RBMS3: variants seen among roughly 807,000 people sequenced by gnomAD.
The protein encoded by RBMS3 is RNA binding motif single stranded interacting protein 3, also known as RNA-binding motif, single-stranded-interacting protein 3.
Under a neutral mutation model 66.8 loss-of-function variants are expected in RBMS3, and 27 were observed. The observed-to-expected ratio is 0.40, with a 90% CI of 0.30 to 0.56. The LOEUF (loss-of-function observed/expected upper bound fraction) is 0.56, where lower values mean the gene tolerates loss of function less well. Among genes scored for constraint, RBMS3 ranks in the 20% least tolerant of loss-of-function variants. The probability of loss-of-function intolerance (pLI) is 0.40; values close to 1 mark genes in which losing one functional copy is unlikely to be tolerated. For synonymous variants in RBMS3, 188 were observed against 183.0 expected (o/e 1.03, Z -0.22); for missense variants, 513 against 549.5 (o/e 0.93, Z 0.66).
chr3:29,599,377 A>G (rs1293767268), intron 4 of RBMS3, among the ~76,000 whole-genome samples: 1 of 151,768 alleles, frequency 6.6e-6, no homozygotes. Context: ...ATATAATCCT[A>G]CTATGCACCC....
intron 3 of RBMS3, among the ~76,000 whole-genome samples, chr3:29,533,380 G>A (rs2148996987): frequency 6.6e-6 from 1 of 152,170 alleles, no homozygotes. Flanking sequence ...TACTTGGGAG[G>A]CTGATGTGGG....
At chr3:29,420,206 T>C (rs75079137) in intron 1 of RBMS3, among the ~76,000 whole-genome samples, 2,721 of 152,312 alleles carry the variant, frequency 0.018, 77 homozygotes, top group African/African-American at 0.062. Context: ...TTTCCTCTAT[T>C]ATATCATGGA....
At chr3:29,987,992 G>A in intron 12 of RBMS3, 151 bp from the exon 13 acceptor site, 1 of 610,118 alleles carries the variant, frequency 1.6e-6, no homozygotes, top group South Asian at 2.0e-5. Flanking sequence ...AATACAGAGA[G>A]GAGCTGCCTT....
At chr3:29,497,906 C>T (rs949813654) in intron 3 of RBMS3, among the ~76,000 whole-genome samples, 3 of 144,026 alleles carry the variant, frequency 2.1e-5, no homozygotes, top group Admixed American at 1.4e-4. Flanking sequence ...TAGGCCTGTA[C>T]AGACAGGAAG....
At chr3:29,452,872 G>A (rs1301732549) in intron 2 of RBMS3, among the ~76,000 whole-genome samples, 1 of 152,044 alleles carries the variant, frequency 6.6e-6, no homozygotes, top group African/African-American at 2.4e-5. Flanking sequence ...GGTTCTAAGA[G>A]GTCACTAAAA....
chr3:29,719,025 A>G (rs1400705933), intron 4 of RBMS3, among the ~76,000 whole-genome samples: 1 of 152,184 alleles, frequency 6.6e-6, no homozygotes, highest in African/African-American at 2.4e-5. Context: ...ATATTCCTCC[A>G]TAAAACAAAG....
intron 1 of RBMS3, among the ~76,000 whole-genome samples, chr3:29,343,821 A>G (rs1345193209): frequency 2.6e-5 from 4 of 152,206 alleles, no homozygotes; most frequent in African/African-American, 9.6e-5. Flanking sequence ...ACAGAATTTG[A>G]ACTAAGACCG....
intron 6 of RBMS3, among the ~76,000 whole-genome samples, chr3:29,856,290 G>C (rs958468009): frequency 6.6e-6 from 1 of 152,146 alleles, no homozygotes; most frequent in Non-Finnish European, 1.5e-5. Context: ...ATGGGAATTT[G>C]GTGGGGTGGG....
In RBMS3 at chr3:29,991,126, C is replaced by T; in HGVS notation, c.1224C>T (p.Ser408=). Residue 408 remains serine, a synonymous_variant, in exon 14 of 15, where the codon TCC becomes TCT. Coordinates refer to ENST00000383767, the MANE Select transcript of RBMS3 (RefSeq NM_001003793.3). ...CTCCCCAGACAGTGGCACCTTCATC[C>T]CAGGACACCAGTGGTCAGCAGCAAC... ...DTSPQTVAPS[S]QDTSGQQQQI... The T allele has an allele frequency of 6.2e-7, 1 of 1,614,092 alleles. No individual in the cohort carries two copies.
At chr3:29,363,569 A>C (rs1323246372) in intron 1 of RBMS3, among the ~76,000 whole-genome samples, 1 of 152,182 alleles carries the variant, frequency 6.6e-6, no homozygotes, top group Non-Finnish European at 1.5e-5. Context: ...CGGGTGGATC[A>C]CCTGAGATCA....
Position 29,853,823 on chromosome 3 carries a change from A to ACCAAGGTTATCTTTGGGGTCT in RBMS3, c.638-15031_638-15011dup, listed in dbSNP as rs1395757859. On this transcript the variant is annotated intron_variant, in intron 6 of 14. Transcript: ENST00000383767. Reference sequence around the variant, plus strand: ...GGTTCTAAACAGCATCAAGGTTGAGACCAAGGTTATCTTTGGGGTCTCCAC... The same window carrying ACCAAGGTTATCTTTGGGGTCT: ...GGTTCTAAACAGCATCAAGGTTGAGACCAAGGTTATCTTTGGGGTCTCCAAGGTTATCTTTGGGGTCTCCAC... Among the ~76,000 whole-genome samples, 3 of 152,098 alleles carry ACCAAGGTTATCTTTGGGGTCT rather than the reference A, an allele frequency of 2.0e-5. No individual in the cohort carries two copies. In the East Asian group the frequency reaches 5.8e-4, roughly 29 times the overall value.
At chr3:29,429,491 T>A (rs1201964676) in intron 1 of RBMS3, among the ~76,000 whole-genome samples, 1 of 152,136 alleles carries the variant, frequency 6.6e-6, no homozygotes, top group African/African-American at 2.4e-5. Context: ...AAAATCTGCA[T>A]ACTAACCAAG....
At position 29,281,733 on chromosome 3, in the gene RBMS3, T is replaced by A; in HGVS notation, c.52T>A (p.Tyr18Asn). 6.2e-7 allele frequency: 1 copy of A among 1,613,260 alleles called. No individual in the cohort carries two copies. The highest frequency in any genetic ancestry group is 8.5e-7 in the Non-Finnish European group (1 of 1,179,500). ...PQMYPQYTYYYPHYLQTKQSY... is the reference protein window; with the variant it reads ...PQMYPQYTYYNPHYLQTKQSY... ...AATGTACCCCCAGTACACTTACTAC[T>A]ATCCTCATTATCTCCAAACCAAGGT... The change falls in exon 1 of 15, where the codon TAT becomes AAT. Residue 18 changes from tyrosine to asparagine, a missense_variant. Physicochemically the swap from Tyr to Asn is moderately radical, Grantham distance 143. Coordinates refer to ENST00000383767, the MANE Select transcript of RBMS3 (RefSeq NM_001003793.3).
chr3:29,398,222 G>A (rs933678829), intron 1 of RBMS3, among the ~76,000 whole-genome samples: 1 of 152,142 alleles, frequency 6.6e-6, no homozygotes, highest in African/African-American at 2.4e-5. Context: ...TACTGTCTAA[G>A]ATGCTATTTA....
intron 6 of RBMS3, among the ~76,000 whole-genome samples, chr3:29,812,286 A>G (rs1358130496): frequency 2.6e-5 from 4 of 152,142 alleles, no homozygotes; most frequent in African/African-American, 4.8e-5. Context: ...TGGTTAAAAG[A>G]TATCTTGGGA....
intron 3 of RBMS3, among the ~76,000 whole-genome samples, chr3:29,532,258 ATATG>A (rs61150367): frequency 0.34 from 27,536 of 80,274 alleles, 3,659 homozygotes; most frequent in South Asian, 0.4. Flanking sequence ...ATATATATAT[ATATG>A]TATATATATA....
chr3:29,320,407 T>TGA (rs1057275369), intron 1 of RBMS3, among the ~76,000 whole-genome samples: 1 of 152,148 alleles, frequency 6.6e-6, no homozygotes, highest in African/African-American at 2.4e-5. Flanking sequence ...AGCCATTGAC[T>TGA]GAGTAAAAAA....
chr3:29,732,349 C>T (rs2054174368), intron 4 of RBMS3, among the ~76,000 whole-genome samples: 1 of 152,156 alleles, frequency 6.6e-6, no homozygotes, highest in Non-Finnish European at 1.5e-5. Context: ...TTCAAGTCTT[C>T]ATCTGATTGG....
chr3:29,956,105 G>A (rs186692834), intron 12 of RBMS3, among the ~76,000 whole-genome samples: 1 of 152,136 alleles, frequency 6.6e-6, no homozygotes, highest in Admixed American at 6.6e-5. Flanking sequence ...TGTGTTCAAG[G>A]CCTGCCACAG....
Sources: allele counts gnomAD v4.1 joint callset (sites outside exome capture counted in the v4.1 genomes callset), GRCh38; gene constraint gnomAD v4.1.1; transcripts MANE v1.5; gene names NCBI Gene and HGNC (gene_info 2026-07-23, HGNC 2026-07-21).